METAP2: variants seen among roughly 807,000 people sequenced by gnomAD.
METAP2 encodes the protein methionine aminopeptidase 2.
METAP2 carries 25 observed loss-of-function variants against 59.4 expected under a neutral mutation model. The ratio of observed to expected loss-of-function variants is 0.42; its 90% CI spans 0.31 to 0.59. METAP2 has a LOEUF of 0.59. Among genes scored for constraint, METAP2 ranks in the 20% least tolerant of loss-of-function variants. The pLI is 0.16. For missense variants in METAP2, 366 were observed against 581.2 expected (o/e 0.63, Z 3.81); for synonymous variants, 214 against 194.1 (o/e 1.10, Z -0.85).
chr12:95,501,522 C>G (rs1316412012), intron 7 of METAP2, among the ~76,000 whole-genome samples: 1 of 152,098 alleles, frequency 6.6e-6, no homozygotes, highest in Non-Finnish European at 1.5e-5. Context: ...TGAGACTGTT[C>G]TGGCCAACGT....
intron 7 of METAP2, among the ~76,000 whole-genome samples, chr12:95,503,310 G>A (rs563867110): frequency 4.9e-4 from 75 of 152,146 alleles, no homozygotes; most frequent in Middle Eastern, 3.4e-3. Context: ...GTCTTTCCCT[G>A]GGCATGTGTG....
intron 9 of METAP2, among the ~76,000 whole-genome samples, chr12:95,512,201 G>C (rs2076407907): frequency 6.6e-6 from 1 of 152,146 alleles, no homozygotes; most frequent in South Asian, 2.1e-4. Flanking sequence ...GGCTGTGAAA[G>C]GGTTGTTTAT....
At chr12:95,499,285 G>A (rs2076298597) in intron 7 of METAP2, among the ~76,000 whole-genome samples, 1 of 152,030 alleles carries the variant, frequency 6.6e-6, no homozygotes, top group Non-Finnish European at 1.5e-5. Context: ...GGAACTACAG[G>A]CTCATGCCAC....
chr12:95,483,754 ATAATT>A (rs2140141894), intron 3 of METAP2, among the ~76,000 whole-genome samples: 1 of 152,318 alleles, frequency 6.6e-6, no homozygotes, highest in South Asian at 2.1e-4. Flanking sequence ...TAAAACTTGC[ATAATT>A]TAAAGAATAA....
chr12:95,487,713 G>A (rs2076207918), intron 4 of METAP2, among the ~76,000 whole-genome samples: 1 of 150,494 alleles, frequency 6.6e-6, no homozygotes, highest in African/African-American at 2.5e-5. Flanking sequence ...GTCTGTTTAT[G>A]TAAGGGAATG....
chr12:95,497,575 C>A (rs1353035184), intron 7 of METAP2, among the ~76,000 whole-genome samples: 3 of 152,126 alleles, frequency 2.0e-5, no homozygotes. Flanking sequence ...GTTTTCAATT[C>A]TTGGGTATAT....
intron 3 of METAP2, among the ~76,000 whole-genome samples, chr12:95,484,133 A>T (rs1288377437): frequency 6.6e-6 from 1 of 152,080 alleles, no homozygotes; most frequent in African/African-American, 2.4e-5. Flanking sequence ...GCTGTTGTAG[A>T]CCACTGAATG....
chr12:95,490,661 C>T (rs2076231233), intron 4 of METAP2, among the ~76,000 whole-genome samples: 1 of 150,776 alleles, frequency 6.6e-6, no homozygotes. Flanking sequence ...ATCTTATCCT[C>T]CCAAGTAGCT....
At chr12:95,497,821 A>G (rs1328539023) in intron 7 of METAP2, among the ~76,000 whole-genome samples, 1 of 151,706 alleles carries the variant, frequency 6.6e-6, no homozygotes, top group African/African-American at 2.4e-5. Context: ...ATTTTTATTT[A>G]TTTATTTTTT....
intron 2 of METAP2, among the ~76,000 whole-genome samples, chr12:95,480,513 A>T (rs1286027661): frequency 6.6e-6 from 1 of 152,180 alleles, no homozygotes; most frequent in East Asian, 1.9e-4. Context: ...GGTTGTTCGT[A>T]TCCTTGTAAG....
intron 7 of METAP2, among the ~76,000 whole-genome samples, chr12:95,497,379 A>G (rs1431447087): frequency 6.6e-6 from 1 of 152,200 alleles, no homozygotes; most frequent in Non-Finnish European, 1.5e-5. Flanking sequence ...AATGTACTCA[A>G]GGTTCACCTA....
rs1289316609 is a variant in METAP2, at chr12:95,515,737, T to G, written c.*1833T>G. 4 of 152,208 alleles carry G rather than the reference T, an allele frequency of 2.6e-5. No homozygotes were observed. The highest frequency in any genetic ancestry group is 4.4e-5 in the Non-Finnish European group (3 of 68,046). The allele number at this position is 152,208 out of a possible 1,614,324, so 9.4% of individuals were successfully genotyped here. A position where few individuals can be genotyped will look rare whatever the true frequency, so the allele number is the denominator to read the frequency against. On this transcript the variant is annotated 3_prime_UTR_variant, in exon 11 of 11. Transcript: ENST00000323666. Reference sequence around the variant, plus strand: ...ATTGTTTGCTTATTAGCCATGTATCTCTTAAAATTTTGTTATGTTTACAAC... The same window carrying G: ...ATTGTTTGCTTATTAGCCATGTATCGCTTAAAATTTTGTTATGTTTACAAC...
At chr12:95,508,867 C>T (rs1251424950) in intron 8 of METAP2, among the ~76,000 whole-genome samples, 1 of 152,080 alleles carries the variant, frequency 6.6e-6, no homozygotes, top group Non-Finnish European at 1.5e-5. Flanking sequence ...TCTTTTGATC[C>T]CTGTTATTTT....
chr12:95,500,027 G>T (rs2076303843), intron 7 of METAP2, among the ~76,000 whole-genome samples: 2 of 152,170 alleles, frequency 1.3e-5, no homozygotes, highest in South Asian at 2.1e-4. Flanking sequence ...TTTGGGTGGG[G>T]ACACAGAGTC....
Position 95,513,646 on chromosome 12 carries a change from T to A in METAP2, c.1185-6T>A. 6.2e-7 allele frequency: 1 copy of A among 1,612,170 alleles called. No homozygotes were observed. Among genetic ancestry groups the A allele is most frequent in the Non-Finnish European group, 8.5e-7 (1 of 1,179,072 alleles). On this transcript the variant is annotated splice_region_variant and splice_polypyrimidine_tract_variant and intron_variant, in intron 10 of 10. Transcript: ENST00000323666. The stretch of plus-strand genomic sequence containing the variant: ...CAACAGTTAATTTTGGATTTTCTCC[T>A]CTTAGGCTTCCAAGAACAAAACACT...
intron 2 of METAP2, among the ~76,000 whole-genome samples, chr12:95,479,183 G>A (rs1300708883): frequency 6.6e-6 from 1 of 152,166 alleles, no homozygotes; most frequent in Non-Finnish European, 1.5e-5. Context: ...GATCATTTTG[G>A]AGGCCTCTTA....
intron 8 of METAP2, among the ~76,000 whole-genome samples, chr12:95,507,557 C>G (rs189975357): frequency 2.7e-4 from 41 of 152,340 alleles, no homozygotes; most frequent in Non-Finnish European, 8.8e-5. Flanking sequence ...ATTCTGTCTT[C>G]TATACAGTAT....
intron 2 of METAP2, among the ~76,000 whole-genome samples, chr12:95,479,720 T>C (rs1306745499): frequency 6.6e-6 from 1 of 152,014 alleles, no homozygotes; most frequent in African/African-American, 2.4e-5. Context: ...GCGATTCTCC[T>C]GCCTCAGCCT....
chr12:95,510,896 T>C (rs2076397104), intron 8 of METAP2, among the ~76,000 whole-genome samples: 1 of 152,254 alleles, frequency 6.6e-6, no homozygotes, highest in African/African-American at 2.4e-5. Flanking sequence ...TATGTGGAAT[T>C]GTACAGTATA....
Sources: allele counts gnomAD v4.1 joint callset (sites outside exome capture counted in the v4.1 genomes callset), GRCh38; gene constraint gnomAD v4.1.1; transcripts MANE v1.5; gene names NCBI Gene and HGNC (gene_info 2026-07-23, HGNC 2026-07-21).